HPS4: variants seen among roughly 807,000 people sequenced by gnomAD.
HPS4 encodes BLOC-3 complex member HPS4.
HPS4 carries 44 observed loss-of-function variants against 70.3 expected under a neutral mutation model. The ratio of observed to expected loss-of-function variants is 0.63; its 90% CI spans 0.49 to 0.80. HPS4 has a LOEUF of 0.80. Ranked by LOEUF, HPS4 falls within the 30% of genes least tolerant of loss-of-function variation. The pLI is 0.00. For synonymous variants in HPS4, 377 were observed against 355.9 expected (o/e 1.06, Z -0.67); for missense variants, 873 against 884.4 (o/e 0.99, Z 0.16).
In HPS4 at chr22:26,451,994, GCGCGCGCGCGCACACACACA is replaced by G. The variant is rs1352265462; in HGVS notation, c.*1219_*1238del. On this transcript the variant is annotated 3_prime_UTR_variant, in exon 14 of 14. Coordinates refer to ENST00000398145, the MANE Select transcript of HPS4 (RefSeq NM_022081.6). ...AGGGATGCGCCCACGTTACGCGCGC[GCGCGCGCGCGCACACACACA>G]CACACACACACACACACACACACAC... The G allele has an allele frequency of 3.8e-3, 271 of 71,838 alleles. 2 individuals carry two copies. Among genetic ancestry groups the G allele is most frequent in the African/African-American group, 0.012 (212 of 18,028 alleles). The allele number at this position is 71,838 out of a possible 1,614,324, so 4.5% of individuals were successfully genotyped here. A position where few individuals can be genotyped will look rare whatever the true frequency, so the allele number is the denominator to read the frequency against.
downstream of HPS4, among the ~76,000 whole-genome samples, chr22:26,448,393 GAC>G (rs1038410992): frequency 6.6e-6 from 1 of 152,246 alleles, no homozygotes; most frequent in Non-Finnish European, 1.5e-5. Context: ...CCAGCTGTCT[GAC>G]ACCAAAGCCC....
chr22:26,449,732 TGA>T (rs544487748), downstream of HPS4, among the ~76,000 whole-genome samples: 687 of 152,270 alleles, frequency 4.5e-3, 6 homozygotes, highest in African/African-American at 0.016. Flanking sequence ...TCGGCGCTAC[TGA>T]GAGAGAGGGA....
In HPS4 at chr22:26,464,526, G is replaced by T; in HGVS notation, c.1104C>A (p.Asp368Glu). ...CCTCTGGAATGTGGATTTCAGACAA[G>T]TCGAGTTCTTCTTGGAGAAAGACTA... ...KELVFLQEEL[D>E]LSEIHIPEAQ... The change falls in exon 11 of 14, where the codon GAC becomes GAA. Residue 368 changes from aspartate (D) to glutamate (E), a missense_variant. Coordinates refer to ENST00000398145, the MANE Select transcript of HPS4 (RefSeq NM_022081.6). The T allele has an allele frequency of 6.2e-7, 1 of 1,614,246 alleles. No individual in the cohort carries two copies. Among genetic ancestry groups the T allele is most frequent in the Non-Finnish European group, 8.5e-7 (1 of 1,180,048 alleles).
At chr22:26,483,621 A>C in intron 1 of HPS4, 53 bp downstream of exon 1, 3 of 304,524 alleles carry the variant, frequency 9.9e-6, no homozygotes, top group East Asian at 6.0e-5. Context: ...GTCACGCTCT[A>C]AGCTGGGGGC....
intron 6 of HPS4, chr22:26,471,052 T>C (rs1883048694): frequency 1.4e-6 from 1 of 723,900 alleles, no homozygotes; most frequent in Non-Finnish European, 2.3e-6. Flanking sequence ...GTCCAGAAGC[T>C]AGAAGGTGCA....
chr22:26,466,554 G>T (rs1420631177), intron 8 of HPS4: 46 of 534,100 alleles, frequency 8.6e-5, no homozygotes, highest in Non-Finnish European at 1.3e-5. Context: ...CTCCCTTCTG[G>T]GAATAAAATT....
At chr22:26,473,039 C>T (rs2090059255) in intron 4 of HPS4, 100 bp from the exon 5 acceptor site, 1 of 977,436 alleles carries the variant, frequency 1.0e-6, no homozygotes, top group Non-Finnish European at 1.6e-6. Context: ...ACTTCACTGG[C>T]CCATCGAAAT....
Position 26,477,088 on chromosome 22 carries a change from C to G in HPS4, c.181G>C (p.Val61Leu). The G allele has an allele frequency of 3.1e-6, 5 of 1,614,148 alleles. No individual in the cohort carries two copies. Among genetic ancestry groups the G allele is most frequent in the Non-Finnish European group, 4.2e-6 (5 of 1,179,998 alleles). Residue 61 changes from valine (V) to leucine (L), a missense_variant, in exon 4 of 14, where the codon GTC (valine) becomes CTC (leucine). Transcript: ENST00000398145. ...TCAGAAATGTCAGAAACACAGCGGACAACTCCAGCAATCTGTCCACAAAGC... is the reference window on the plus strand; with the variant it reads ...TCAGAAATGTCAGAAACACAGCGGAGAACTCCAGCAATCTGTCCACAAAGC... ...ELLCGQIAGV[V>L]RCVSDISDSP... is the part of the protein sequence containing the mutation.
chr22:26,450,369 T>C (rs2146185356), downstream of HPS4, among the ~76,000 whole-genome samples: 1 of 152,270 alleles, frequency 6.6e-6, no homozygotes. Context: ...AAGTACATCT[T>C]AGCCACATTG....
chr22:26,465,230 A>G (rs1049331539), intron 10 of HPS4, among the ~76,000 whole-genome samples: 3 of 152,262 alleles, frequency 2.0e-5, no homozygotes, highest in Non-Finnish European at 2.9e-5. Flanking sequence ...CCAAGGTCCC[A>G]TAGCTGGTAT....
rs1441578381 is a variant in HPS4, at chr22:26,476,938, A to T, written c.276+55T>A. The T allele has an allele frequency of 1.9e-6, 3 of 1,591,284 alleles. No individual in the cohort carries two copies. In the East Asian group the frequency reaches 6.7e-5, roughly 36 times the overall value. On this transcript the variant is annotated intron_variant, in intron 4 of 13. Transcript: ENST00000398145. The stretch of plus-strand genomic sequence containing the variant: ...AAATTCAAGACTCAGAAACAACATA[A>T]CTTCCTAAACTTATCATTGCAACAC...
At chr22:26,479,516 T>TA in intron 2 of HPS4, 161 bp from the exon 3 acceptor site, 2 of 1,442,768 alleles carry the variant, frequency 1.4e-6, no homozygotes, top group Non-Finnish European at 1.8e-6. Context: ...ACAAATTAGA[T>TA]AAAACCATTC....
chr22:26,445,707 T>C (rs2084931191), intron 3 of HPS4, among the ~76,000 whole-genome samples: 1 of 152,198 alleles, frequency 6.6e-6, no homozygotes, highest in Non-Finnish European at 1.5e-5. Context: ...CTTGTTTCCC[T>C]TTCTGCCACA....
intron 2 of HPS4, chr22:26,479,607 G>GA (rs1211582464): frequency 1.9e-3 from 2,453 of 1,275,456 alleles, no homozygotes; most frequent in East Asian, 5.6e-3. Context: ...CGAGTAGCTA[G>GA]AAAAAAAAAC....
At position 26,463,663 on chromosome 22, in the gene HPS4, G is replaced by A. The variant is rs150242052; in HGVS notation, c.1713+254C>T. On this transcript the variant is annotated intron_variant, in intron 11 of 13. Coordinates refer to ENST00000398145, the MANE Select transcript of HPS4 (RefSeq NM_022081.6). Reference sequence around the variant, plus strand: ...TGCGCTCTGCAAAACTAGAAACAGCGGAAGAAGAGAACCAACACTTGTTGG... The same window carrying A: ...TGCGCTCTGCAAAACTAGAAACAGCAGAAGAAGAGAACCAACACTTGTTGG... 3.9e-5 allele frequency among the ~76,000 whole-genome samples: 6 copies of A among 152,322 alleles called. No homozygotes were observed. In the East Asian group the frequency reaches 9.7e-4, roughly 25 times the overall value.
intron 4 of HPS4, chr22:26,475,428 C>T (rs1293110245): frequency 6.9e-6 from 1 of 143,916 alleles, no homozygotes; most frequent in Non-Finnish European, 1.5e-5. Flanking sequence ...TCTCAGCTCA[C>T]TGTAACCTCT....
At chr22:26,462,955 T>C (rs2087629506) in intron 11 of HPS4, among the ~76,000 whole-genome samples, 1 of 152,160 alleles carries the variant, frequency 6.6e-6, no homozygotes, top group African/African-American at 2.4e-5. Context: ...GTCTTATCTC[T>C]TCTTCTGTAT....
rs148294572 is a variant in HPS4, at chr22:26,453,394, T to A, written c.1966A>T (p.Thr656Ser). The A allele has an allele frequency of 2.5e-4, 399 of 1,613,906 alleles. No individual in the cohort carries two copies. Among genetic ancestry groups the A allele is most frequent in the Non-Finnish European group, 2.9e-4 (348 of 1,180,034 alleles). Residue 656 changes from threonine (T) to serine (S), a missense_variant, in exon 14 of 14, where the codon ACG (threonine) becomes TCG (serine). By Grantham distance (58) the Thr-to-Ser change is moderately conservative. Transcript: ENST00000398145. ...LYEMTVRNAS[T>S]AVYACCNPIQ... is the part of the protein sequence containing the mutation. Reference sequence around the variant, plus strand: ...GGGTTGCAACAGGCGTACACAGCCGTGGAGGCATTTCTGTTGGAGGAAGAA... The same window carrying A: ...GGGTTGCAACAGGCGTACACAGCCGAGGAGGCATTTCTGTTGGAGGAAGAA...
At chr22:26,471,024 C>A in intron 6 of HPS4, 1 of 983,122 alleles carries the variant, frequency 1.0e-6, no homozygotes, top group South Asian at 1.5e-5. Flanking sequence ...ATGCCAAATT[C>A]TTAGAACAAG....
Sources: allele counts gnomAD v4.1 joint callset (sites outside exome capture counted in the v4.1 genomes callset), GRCh38; gene constraint gnomAD v4.1.1; transcripts MANE v1.5; gene names NCBI Gene and HGNC (gene_info 2026-07-23, HGNC 2026-07-21).